The following CCDC68 variants were observed in gnomAD, a reference collection of about 807,000 sequenced individuals.
CCDC68 encodes coiled-coil domain-containing protein 68.
Under a neutral mutation model 47.1 loss-of-function variants are expected in CCDC68, and 45 were observed. That is an observed-to-expected ratio of 0.96 (90% CI 0.75 to 1.23). The LOEUF is 1.23. CCDC68 is among the 50% of genes most tolerant of loss of function. The pLI is 0.00. For synonymous variants in CCDC68, 131 were observed against 129.5 expected, an observed-to-expected ratio of 1.01 and a Z score of -0.08; for missense variants, 353 against 373.6, an observed-to-expected ratio of 0.94 and a Z score of 0.45.
chr18:54,957,937 A>AT (rs1444114961), intron 1 of CCDC68: 1 of 152,172 alleles, frequency 6.6e-6, no homozygotes, highest in Non-Finnish European at 1.5e-5. Context: ...TCTAGCTTAC[A>AT]TTTTTTAGCT....
At chr18:54,955,801 T>G (rs1401474490) in intron 1 of CCDC68, among the ~76,000 whole-genome samples, 1 of 152,140 alleles carries the variant, frequency 6.6e-6, no homozygotes, top group Admixed American at 6.5e-5. Flanking sequence ...CACTGCAACC[T>G]CCACCTCCCA....
chr18:54,914,701 G>C (rs2043915333), intron 10 of CCDC68, among the ~76,000 whole-genome samples: 1 of 152,176 alleles, frequency 6.6e-6, no homozygotes, highest in Admixed American at 6.5e-5. Flanking sequence ...ACACTGAGAG[G>C]TTCTGTCACA....
At chr18:54,954,889 T>G (rs927574941) in intron 1 of CCDC68, among the ~76,000 whole-genome samples, 8 of 152,162 alleles carry the variant, frequency 5.3e-5, no homozygotes, top group African/African-American at 1.9e-4. Context: ...AGGAAGTTGT[T>G]TGACATTTCA....
chr18:54,935,022 T>C, intron 6 of CCDC68, 74 bp from the exon 7 acceptor site: 1 of 1,218,802 alleles, frequency 8.2e-7, no homozygotes, highest in Non-Finnish European at 1.1e-6. Flanking sequence ...CCTCTTTCTA[T>C]AATTTTCTAA....
intron 4 of CCDC68, among the ~76,000 whole-genome samples, chr18:54,940,687 C>A (rs532105606): frequency 6.6e-6 from 1 of 152,190 alleles, no homozygotes; most frequent in African/African-American, 2.4e-5. Context: ...ATGTGGCCCA[C>A]GTGAGTCTAA....
At chr18:54,924,451 C>T (rs1192472279) in intron 8 of CCDC68, among the ~76,000 whole-genome samples, 3 of 152,034 alleles carry the variant, frequency 2.0e-5, no homozygotes, top group Non-Finnish European at 1.5e-5. Flanking sequence ...CCTGGAATGC[C>T]AATGGGGGCA....
Position 54,936,934 on chromosome 18 carries a change from C to T in CCDC68, c.370G>A (p.Ala124Thr), listed in dbSNP as rs1405382380. 3 of 1,614,110 alleles carry T rather than the reference C, an allele frequency of 1.9e-6. No individual in the cohort carries two copies. Among genetic ancestry groups the T allele is most frequent in the Non-Finnish European group, 2.5e-6 (3 of 1,179,996 alleles). Reference sequence around the variant, plus strand: ...TGGGCCACGTTTCTCAGAGCTGCTGCTCCTGCTTCTCTGGAGGCTTGCAGC... The same window carrying T: ...TGGGCCACGTTTCTCAGAGCTGCTGTTCCTGCTTCTCTGGAGGCTTGCAGC... ...IKLQASREAG[A>T]AALRNVAQRL... Residue 124 changes from alanine (A) to threonine (T), a missense_variant, in exon 6 of 12, where the codon GCA (alanine) becomes ACA (threonine). Transcript: ENST00000591504.
chr18:54,958,478 T>C (rs1338382846), intron 1 of CCDC68, among the ~76,000 whole-genome samples: 2 of 152,228 alleles, frequency 1.3e-5, no homozygotes, highest in Non-Finnish European at 2.9e-5. Flanking sequence ...AATTCCTTTT[T>C]GTATTCTGAC....
chr18:54,909,442 C>T (rs1407942627), intron 10 of CCDC68, among the ~76,000 whole-genome samples: 6 of 148,764 alleles, frequency 4.0e-5, no homozygotes, highest in South Asian at 2.1e-4. Flanking sequence ...AGTGCAGTGG[C>T]GCGATCTCAG....
intron 8 of CCDC68, among the ~76,000 whole-genome samples, chr18:54,924,691 C>A (rs2044117092): frequency 6.6e-6 from 1 of 152,144 alleles, no homozygotes; most frequent in African/African-American, 2.4e-5. Context: ...ATGGGATGAT[C>A]ATAGAAGAAG....
At position 54,936,856 on chromosome 18, in the gene CCDC68, C is replaced by G. The variant is rs1485770924; in HGVS notation, c.448G>C (p.Glu150Gln). The change falls in exon 6 of 12, where the codon GAG becomes CAG. Residue 150 changes from glutamate (E) to glutamine (Q), a missense_variant. Coordinates refer to ENST00000591504, the MANE Select transcript of CCDC68 (RefSeq NM_025214.3). The part of the protein sequence containing the change: ...TQSEEVRKKQ[E>Q]DSKQLLQVNK... ...ACCTGGAGTAATTGTTTACTGTCCT[C>G]CTGCTTCTTTCTCACTTCTTCAGAT... 1 of 1,613,996 alleles carries G rather than the reference C, an allele frequency of 6.2e-7. No homozygotes were observed. Among genetic ancestry groups the G allele is most frequent in the East Asian group, 2.2e-5 (1 of 44,898 alleles).
At chr18:54,931,665 A>AC in intron 7 of CCDC68, among the ~76,000 whole-genome samples, 1 of 152,204 alleles carries the variant, frequency 6.6e-6, no homozygotes, top group Non-Finnish European at 1.5e-5. Flanking sequence ...GACACTAGAA[A>AC]ACAAATATGA....
rs922456019 is a variant in CCDC68 at position 54,902,450 on chromosome 18, A to G, written c.*1908T>C. On this transcript the variant is annotated 3_prime_UTR_variant, in exon 12 of 12. Coordinates refer to ENST00000591504, the MANE Select transcript of CCDC68 (RefSeq NM_025214.3). Reference sequence around the variant, plus strand: ...TTACTACACTGCAAATACTTAAAGCAGGACTCATGATCCTAATTTTCCTAC... The same window carrying G: ...TTACTACACTGCAAATACTTAAAGCGGGACTCATGATCCTAATTTTCCTAC... 8 of 152,242 alleles carry G rather than the reference A, an allele frequency of 5.3e-5. No homozygotes were observed. 9.4% of individuals were successfully genotyped at this position (152,242 alleles called of 1,614,324 possible). A position where few individuals can be genotyped will look rare whatever the true frequency, so the allele number is the denominator to read the frequency against.
chr18:54,908,005 G>A (rs904926750), intron 10 of CCDC68, 143 bp from the exon 11 acceptor site: 1 of 596,096 alleles, frequency 1.7e-6, no homozygotes, highest in Non-Finnish European at 3.0e-6. Flanking sequence ...ACAGAAAATA[G>A]CCAGTTGAAA....
intron 11 of CCDC68, 48 bp downstream of exon 11, chr18:54,907,738 G>T: frequency 1.9e-6 from 2 of 1,037,374 alleles, no homozygotes; most frequent in Non-Finnish European, 3.0e-6. Flanking sequence ...TGTCTAACAT[G>T]TTCAACATAG....
chr18:54,911,341 G>T (rs1478915775), intron 10 of CCDC68, among the ~76,000 whole-genome samples: 1 of 152,158 alleles, frequency 6.6e-6, no homozygotes, highest in African/African-American at 2.4e-5. Flanking sequence ...GAAAGCCACT[G>T]CACCTGGCCT....
intron 2 of CCDC68, 93 bp from the exon 3 acceptor site, chr18:54,942,896 T>C: frequency 4.2e-6 from 3 of 716,876 alleles, no homozygotes; most frequent in Middle Eastern, 2.4e-4. Flanking sequence ...TTTATCACTA[T>C]AGTCAAATAT....
chr18:54,937,852 T>A (rs973899838), intron 5 of CCDC68, 105 bp downstream of exon 5: 4 of 868,944 alleles, frequency 4.6e-6, no homozygotes, highest in South Asian at 4.4e-5. Flanking sequence ...GACCTATGGA[T>A]GTGTGTGGAC....
chr18:54,929,833 T>G (rs1229427476), intron 7 of CCDC68, among the ~76,000 whole-genome samples: 2 of 152,252 alleles, frequency 1.3e-5, no homozygotes, highest in East Asian at 3.9e-4. Flanking sequence ...TTGGCCGAGG[T>G]TTTAAACTCT....
Sources: allele counts gnomAD v4.1 joint callset (sites outside exome capture counted in the v4.1 genomes callset), GRCh38; gene constraint gnomAD v4.1.1; transcripts MANE v1.5; gene names NCBI Gene and HGNC (gene_info 2026-07-23, HGNC 2026-07-21).